The following UBIAD1 variants were observed in gnomAD, a reference collection of about 807,000 sequenced individuals.
UBIAD1 encodes ubiA prenyltransferase domain-containing protein 1.
A neutral mutation model predicts 20.1 loss-of-function variants in UBIAD1; 12 were observed. That is an observed-to-expected ratio of 0.60 (90% CI 0.38 to 0.97). The LOEUF is 0.97. UBIAD1 is among the 50% of genes least tolerant of loss of function. UBIAD1 has a pLI of 0.00. For synonymous variants in UBIAD1, 207 were observed against 189.2 expected (o/e 1.09, Z -0.77); for missense variants, 333 against 419.5 (o/e 0.79, Z 1.80).
downstream of UBIAD1, among the ~76,000 whole-genome samples, chr1:11,299,072 A>G (rs1320406295): frequency 6.6e-6 from 1 of 152,256 alleles, no homozygotes; most frequent in Non-Finnish European, 1.5e-5. Context: ...GGCTGCAGCC[A>G]ATCTCACTGC....
intron 1 of UBIAD1, among the ~76,000 whole-genome samples, chr1:11,294,336 A>T (rs1638413119): frequency 6.6e-6 from 1 of 152,098 alleles, no homozygotes; most frequent in African/African-American, 2.4e-5. Context: ...AAAAATTGAG[A>T]CAGGGTCTCA....
rs1638265224 is a variant in UBIAD1, at chr1:11,286,574, T to G, written c.*443T>G. On this transcript the variant is annotated 3_prime_UTR_variant, in exon 2 of 2. Transcript: ENST00000376810. ...TTCGTCTCGTAGGATGTGCTATGATTGGTGCCAGGCCTCACTAACACAGGG... is the reference window on the plus strand; with the variant it reads ...TTCGTCTCGTAGGATGTGCTATGATGGGTGCCAGGCCTCACTAACACAGGG... 3.6e-6 allele frequency: 1 copy of G among 275,726 alleles called. No individual in the cohort carries two copies. Among genetic ancestry groups the G allele is most frequent in the South Asian group, 3.8e-5 (1 of 26,056 alleles). 17.1% of individuals were successfully genotyped at this position (275,726 alleles called of 1,614,324 possible).
At chr1:11,296,210 C>T (rs115840921), downstream of UBIAD1, among the ~76,000 whole-genome samples, 201 of 152,292 alleles carry the variant, frequency 1.3e-3, no homozygotes, top group African/African-American at 4.5e-3. Flanking sequence ...GAAACTTACA[C>T]TCTCCAGAGG....
rs1638262367 is a variant in UBIAD1, at chr1:11,286,399, G to C, written c.*268G>C. 2.0e-6 allele frequency: 1 copy of C among 489,368 alleles called. No individual in the cohort carries two copies. The highest frequency in any genetic ancestry group is 4.0e-5 in the East Asian group (1 of 24,820). 30.3% of individuals were successfully genotyped at this position (489,368 alleles called of 1,614,324 possible). The stretch of plus-strand genomic sequence containing the variant: ...TTTGTTTTATTAATAATTTCCACTA[G>C]AGGGTGTTCTCAGGTCACTTTGCAG... On this transcript the variant is annotated 3_prime_UTR_variant, in exon 2 of 2. Transcript: ENST00000376810.
rs899613176 is a variant in UBIAD1, at chr1:11,286,776, T to G, written c.*645T>G. The stretch of plus-strand genomic sequence containing the variant: ...GTTGAGGAAAAGTGTCAGATTACCC[T>G]GCAGCAAGACAAGCCAAGGACTGGG... On this transcript the variant is annotated 3_prime_UTR_variant, in exon 2 of 2. Coordinates refer to ENST00000376810, the MANE Select transcript of UBIAD1 (RefSeq NM_013319.3). The G allele has an allele frequency of 6.5e-6, 1 of 154,146 alleles. No homozygotes were observed. Among genetic ancestry groups the G allele is most frequent in the East Asian group, 1.9e-4 (1 of 5,218 alleles). 9.5% of individuals were successfully genotyped at this position (154,146 alleles called of 1,614,324 possible).
In UBIAD1 at chr1:11,273,768, G is replaced by A. The variant is rs780429572; in HGVS notation, c.237G>A (p.Leu79=). Residue 79 remains leucine (L), a synonymous_variant, in exon 1 of 2, where the codon CTG becomes CTA. Transcript: ENST00000376810. This position sits in a 1 kb window ranked among gnomAD's most constrained non-coding sequence, Gnocchi z 4.9. ...SALAYRSHGV[L]DPRLLVGCAV... is the part of the protein sequence containing the mutation. ...TTGCCTACAGATCCCACGGTGTCCT[G>A]GATCCCAGGCTCTTGGTGGGTTGTG... 3 of 1,614,114 alleles carry A rather than the reference G, an allele frequency of 1.9e-6. No individual in the cohort carries two copies. Among genetic ancestry groups the A allele is most frequent in the East Asian group, 4.5e-5 (2 of 44,886 alleles).
In UBIAD1 at chr1:11,274,032, C is replaced by G. The variant is rs909285254; in HGVS notation, c.501C>G (p.Gly167=). The change falls in exon 1 of 2, where the codon GGC becomes GGG. Residue 167 remains glycine, a synonymous_variant. Coordinates refer to ENST00000376810, the MANE Select transcript of UBIAD1 (RefSeq NM_013319.3). ...LEHLALIYFG[G]LSGSFLYTGG... ...ACTTGGCTCTTATCTACTTTGGAGG[C>G]CTGTCTGGCTCCTTTCTCTACACAG... is the stretch of plus-strand genomic sequence containing the variant. 4 of 1,614,094 alleles carry G rather than the reference C, an allele frequency of 2.5e-6. No homozygotes were observed. Among genetic ancestry groups the G allele is most frequent in the Middle Eastern group, 1.6e-4 (1 of 6,062 alleles).
At chr1:11,289,708 C>G (rs1040280825), downstream of UBIAD1, among the ~76,000 whole-genome samples, 1 of 151,732 alleles carries the variant, frequency 6.6e-6, no homozygotes, top group South Asian at 2.1e-4. Context: ...GGATTACAGG[C>G]ACGTACCACC....
rs1297308931 is a variant in UBIAD1 at position 11,273,242 on chromosome 1, C to T, written c.-290C>T. ...GAGGCCGGCGCACAAGATGGCGGCT[C>T]TGGCGGCCTAAAGAAGGCGGCCGCG... On this transcript the variant is annotated 5_prime_UTR_variant, in exon 1 of 2. Coordinates refer to ENST00000376810, the MANE Select transcript of UBIAD1 (RefSeq NM_013319.3). The surrounding 1 kb of genome is among the most constrained non-coding windows in gnomAD (Gnocchi z 4.9). 2 of 437,606 alleles carry T rather than the reference C, an allele frequency of 4.6e-6. No homozygotes were observed. Among genetic ancestry groups the T allele is most frequent in the South Asian group, 2.4e-5 (1 of 42,130 alleles). 27.1% of individuals were successfully genotyped at this position (437,606 alleles called of 1,614,324 possible).
chr1:11,292,029 G>A (rs1225188948), downstream of UBIAD1: 1 of 151,504 alleles, frequency 6.6e-6, no homozygotes, highest in Non-Finnish European at 1.5e-5. Context: ...TTGAGACGGA[G>A]TTTCGCTCTT....
rs1638264349 is a variant in UBIAD1, at chr1:11,286,516, C to G, written c.*385C>G. On this transcript the variant is annotated 3_prime_UTR_variant, in exon 2 of 2. Coordinates refer to ENST00000376810, the MANE Select transcript of UBIAD1 (RefSeq NM_013319.3). The stretch of plus-strand genomic sequence containing the variant: ...GTTTGGCCTCCTGTCCCGAAAAGAC[C>G]CTAATAACTAGGCAGAGTGTTGTCC... 1 of 326,302 alleles carries G rather than the reference C, an allele frequency of 3.1e-6. No individual in the cohort carries two copies. The highest frequency in any genetic ancestry group is 4.7e-5 in the Admixed American group (1 of 21,384). The allele number at this position is 326,302 out of a possible 1,614,324, so 20.2% of individuals were successfully genotyped here. A position where few individuals can be genotyped will look rare whatever the true frequency, so the allele number is the denominator to read the frequency against.
At chr1:11,278,114 C>T (rs1022819522) in intron 1 of UBIAD1, among the ~76,000 whole-genome samples, 4 of 152,010 alleles carry the variant, frequency 2.6e-5, no homozygotes, top group South Asian at 4.1e-4. Context: ...CGTGCTACCA[C>T]GCCTGGTTAA....
At chr1:11,298,958 C>G (rs530919556), downstream of UBIAD1, among the ~76,000 whole-genome samples, 1 of 152,332 alleles carries the variant, frequency 6.6e-6, no homozygotes, top group African/African-American at 2.4e-5. This position sits in a 1 kb window ranked among gnomAD's most constrained non-coding sequence, Gnocchi z 4.0. Context: ...AAGAGCCATT[C>G]CATTTCCAAG....
chr1:11,283,945 C>G (rs1046620760), intron 1 of UBIAD1, among the ~76,000 whole-genome samples: 1 of 152,144 alleles, frequency 6.6e-6, no homozygotes, highest in Admixed American at 6.6e-5. Flanking sequence ...CTGTTTCAGT[C>G]TGAGTGGGAG....
chr1:11,276,524 C>G (rs1242556114), intron 1 of UBIAD1, among the ~76,000 whole-genome samples: 1 of 151,700 alleles, frequency 6.6e-6, no homozygotes, highest in Non-Finnish European at 1.5e-5. Flanking sequence ...ATTAGCCAGG[C>G]GTGGTGGCAT....
At position 11,286,527 on chromosome 1, in the gene UBIAD1, G is replaced by C. The variant is rs1163408128; in HGVS notation, c.*396G>C. On this transcript the variant is annotated 3_prime_UTR_variant, in exon 2 of 2. Transcript: ENST00000376810. ...TGTCCCGAAAAGACCCTAATAACTAGGCAGAGTGTTGTCCTGCTTTCTTCG... is the reference window on the plus strand; with the variant it reads ...TGTCCCGAAAAGACCCTAATAACTACGCAGAGTGTTGTCCTGCTTTCTTCG... 3 of 319,914 alleles carry C rather than the reference G, an allele frequency of 9.4e-6. No individual in the cohort carries two copies. The highest frequency in any genetic ancestry group is 2.2e-5 in the African/African-American group (1 of 45,836). 19.8% of individuals were successfully genotyped at this position (319,914 alleles called of 1,614,324 possible).
intron 1 of UBIAD1, among the ~76,000 whole-genome samples, chr1:11,282,366 A>G (rs577753805): frequency 1.3e-5 from 2 of 152,086 alleles, no homozygotes; most frequent in Non-Finnish European, 2.9e-5. Context: ...AAATTCCCAG[A>G]TGGGCCACGT....
At position 11,286,279 on chromosome 1, in the gene UBIAD1, A is replaced by G. The variant is rs11580061; in HGVS notation, c.*148A>G. 31,925 of 1,020,468 alleles carry G rather than the reference A, an allele frequency of 0.031. 643 individuals are homozygous for G. The highest frequency in any genetic ancestry group is 0.042 in the Middle Eastern group (151 of 3,612). 63.2% of individuals were successfully genotyped at this position (1,020,468 alleles called of 1,614,324 possible). On this transcript the variant is annotated 3_prime_UTR_variant, in exon 2 of 2. Coordinates refer to ENST00000376810, the MANE Select transcript of UBIAD1 (RefSeq NM_013319.3). ...TATAAAAATTGTTTTTGTGTTCTTA[A>G]AGATAATATGTTGTTTTTCTGTTTT...
chr1:11,292,668 TACACACACACACACACACAC>T (rs71568319), downstream of UBIAD1, among the ~76,000 whole-genome samples: 266 of 140,742 alleles, frequency 1.9e-3, 2 homozygotes, highest in African/African-American at 6.7e-3. Flanking sequence ...ATTTTATGTA[TACACACACACACACACACAC>T]ACACACACAC....
Sources: allele counts gnomAD v4.1 joint callset (sites outside exome capture counted in the v4.1 genomes callset), GRCh38; gene constraint gnomAD v4.1.1; non-coding constraint Gnocchi (gnomAD v3.1); transcripts MANE v1.5; gene names NCBI Gene and HGNC (gene_info 2026-07-23, HGNC 2026-07-21).